The following PALLD variants were observed in gnomAD, a reference collection of about 807,000 sequenced individuals.
PALLD encodes the protein palladin.
A neutral mutation model predicts 123.5 loss-of-function variants in PALLD; 61 were observed. The ratio of observed to expected loss-of-function variants is 0.49; its 90% CI spans 0.40 to 0.61. The LOEUF (loss-of-function observed/expected upper bound fraction) is 0.61, where lower values mean the gene tolerates loss of function less well. Among genes scored for constraint, PALLD ranks in the 20% least tolerant of loss-of-function variants. PALLD has a pLI of 0.00. For synonymous variants in PALLD, 465 were observed against 496.4 expected (o/e 0.94, Z 0.84); for missense variants, 1,273 against 1,377.0 (o/e 0.92, Z 1.20).
At chr4:168,502,098 A>G (rs1254472701) in intron 1 of PALLD, among the ~76,000 whole-genome samples, 1 of 152,236 alleles carries the variant, frequency 6.6e-6, no homozygotes, top group African/African-American at 2.4e-5. Flanking sequence ...CTGGCCTATG[A>G]AAGAGGTGCC....
chr4:168,725,970 A>G (rs1050580362), intron 10 of PALLD, among the ~76,000 whole-genome samples: 1 of 152,164 alleles, frequency 6.6e-6, no homozygotes, highest in South Asian at 2.1e-4. Context: ...CCTCATAGCC[A>G]CTGCTTTCTT....
At chr4:168,832,185 A>G (rs2150857708) in intron 10 of PALLD, 1 of 985,454 alleles carries the variant, frequency 1.0e-6, no homozygotes, top group Non-Finnish European at 1.2e-6. Flanking sequence ...GGCGCGGGGA[A>G]TCGGCCCTGA....
chr4:168,664,717 AGTTCTATGTT>A (rs368255740), intron 2 of PALLD, among the ~76,000 whole-genome samples: 269 of 150,720 alleles, frequency 1.8e-3, no homozygotes, highest in African/African-American at 6.3e-3. Flanking sequence ...TCAAGTCACC[AGTTCTATGTT>A]GTTAAAATGT....
At chr4:168,767,604 G>T (rs533624162) in intron 10 of PALLD, among the ~76,000 whole-genome samples, 1 of 146,874 alleles carries the variant, frequency 6.8e-6, no homozygotes, top group African/African-American at 2.5e-5. Context: ...CTGGCCTGCA[G>T]TGGCGCGATC....
chr4:168,899,026 G>A (rs529612782), intron 14 of PALLD, among the ~76,000 whole-genome samples: 12 of 152,278 alleles, frequency 7.9e-5, no homozygotes, highest in South Asian at 4.1e-4. Flanking sequence ...TCTGTGAAGT[G>A]AGTTTCCAAG....
rs1045172527 is a variant in PALLD, at chr4:168,844,730, A to G, written c.1965-46192A>G. ...TAAAGGGTGAACTCCAAATATTAAA[A>G]AGTTATTAACGTGCTTGAAAGTCTT... On this transcript the variant is annotated intron_variant, in intron 10 of 21. Coordinates refer to ENST00000505667, the MANE Select transcript of PALLD (RefSeq NM_001166108.2). This position sits in a 1 kb window ranked among gnomAD's most constrained non-coding sequence, Gnocchi z 4.5. 3.3e-5 allele frequency: 5 copies of G among 152,220 alleles called. No individual in the cohort carries two copies. Among genetic ancestry groups the G allele is most frequent in the Non-Finnish European group, 7.3e-5 (5 of 68,044 alleles). The allele number at this position is 152,220 out of a possible 1,614,324, so 9.4% of individuals were successfully genotyped here.
chr4:168,817,305 T>G (rs1742110563), intron 10 of PALLD, among the ~76,000 whole-genome samples: 1 of 152,192 alleles, frequency 6.6e-6, no homozygotes, highest in Admixed American at 6.5e-5. Flanking sequence ...TTATGTGTAA[T>G]GCATGAAACT....
chr4:168,603,124 T>G (rs7675516), intron 2 of PALLD, among the ~76,000 whole-genome samples: 97,640 of 151,958 alleles, frequency 0.64, 32,183 homozygotes, highest in East Asian at 0.88. Context: ...ACTCTAAATA[T>G]AAATTGTTTC....
At chr4:168,582,834 G>A (rs1358867411) in intron 2 of PALLD, among the ~76,000 whole-genome samples, 1 of 152,056 alleles carries the variant, frequency 6.6e-6, no homozygotes, top group Non-Finnish European at 1.5e-5. Context: ...CTGGTATTTT[G>A]TTGTGGGAAA....
intron 3 of PALLD, among the ~76,000 whole-genome samples, chr4:168,670,975 G>C (rs570737243): frequency 6.7e-6 from 1 of 149,834 alleles, no homozygotes; most frequent in African/African-American, 2.5e-5. Context: ...CTGAGATCAT[G>C]CCACTGCACT....
intron 11 of PALLD, chr4:168,894,348 T>G (rs1448344301): frequency 3.7e-6 from 2 of 540,686 alleles, no homozygotes; most frequent in Non-Finnish European, 3.3e-6. Context: ...TCACTTTAAA[T>G]TTGTGCTGTA....
chr4:168,721,038 TAGG>T (rs1016634135), intron 10 of PALLD, among the ~76,000 whole-genome samples: 12 of 152,210 alleles, frequency 7.9e-5, no homozygotes, highest in Non-Finnish European at 1.8e-4. Context: ...TTTTTATGAT[TAGG>T]AGTTTTATTT....
At chr4:168,694,999 G>C (rs1271069769) in intron 8 of PALLD, among the ~76,000 whole-genome samples, 7 of 152,168 alleles carry the variant, frequency 4.6e-5, no homozygotes. Flanking sequence ...TCACTCAGCT[G>C]TCTGGAAACA....
intron 10 of PALLD, among the ~76,000 whole-genome samples, chr4:168,803,683 TC>T (rs1739698369): frequency 3.1e-5 from 1 of 32,616 alleles, no homozygotes. Flanking sequence ...AGACCCTGTC[TC>T]AAAAAAAAAA....
At chr4:168,674,669 C>CA (rs1273149736) in intron 3 of PALLD, among the ~76,000 whole-genome samples, 1 of 152,112 alleles carries the variant, frequency 6.6e-6, no homozygotes, top group African/African-American at 2.4e-5. Flanking sequence ...GCGATTTTAG[C>CA]AAGAGGAGCT....
In PALLD at chr4:168,587,199, T is replaced by C. The variant is rs752246428; in HGVS notation, c.908+74787T>C. On this transcript the variant is annotated intron_variant, in intron 2 of 21. Coordinates refer to ENST00000505667, the MANE Select transcript of PALLD (RefSeq NM_001166108.2). Reference sequence around the variant, plus strand: ...GATATAAACAACAATCTGCTAAGCTTTCAAATGATAGCAGCTAGAAAGATC... The same window carrying C: ...GATATAAACAACAATCTGCTAAGCTCTCAAATGATAGCAGCTAGAAAGATC... 2.6e-4 allele frequency among the ~76,000 whole-genome samples: 39 copies of C among 152,168 alleles called. 1 individual carries two copies. The highest frequency in any genetic ancestry group is 6.5e-4 in the Admixed American group (10 of 15,290).
intron 2 of PALLD, among the ~76,000 whole-genome samples, chr4:168,542,240 G>A (rs1765686412): frequency 6.6e-6 from 1 of 151,874 alleles, no homozygotes. Flanking sequence ...GGGATCTGTG[G>A]TTTTATGGTA....
intron 10 of PALLD, among the ~76,000 whole-genome samples, chr4:168,820,960 G>T (rs1457167415): frequency 6.6e-6 from 1 of 152,224 alleles, no homozygotes; most frequent in Admixed American, 6.5e-5. Flanking sequence ...ATCGCAATAA[G>T]AGTTATTGAG....
chr4:168,825,691 C>T (rs757669971), intron 10 of PALLD, among the ~76,000 whole-genome samples: 26 of 151,998 alleles, frequency 1.7e-4, no homozygotes, highest in Non-Finnish European at 3.1e-4. Context: ...CTGAAAACGG[C>T]GCTGCAACAC....
Sources: allele counts gnomAD v4.1 joint callset (sites outside exome capture counted in the v4.1 genomes callset), GRCh38; gene constraint gnomAD v4.1.1; non-coding constraint Gnocchi (gnomAD v3.1); transcripts MANE v1.5; gene names NCBI Gene and HGNC (gene_info 2026-07-23, HGNC 2026-07-21).